The following SPOCK1 variants were observed in gnomAD, a reference collection of about 807,000 sequenced individuals.
SPOCK1 encodes the protein SPARC (osteonectin), cwcv and kazal like domains proteoglycan 1, also known as testican-1.
In SPOCK1, 23 loss-of-function variants were observed where a neutral mutation model predicts 55.3. The observed-to-expected ratio is 0.42, with a 90% CI of 0.30 to 0.59. The LOEUF (loss-of-function observed/expected upper bound fraction) is 0.59. Ranked by LOEUF, SPOCK1 falls within the 20% of genes least tolerant of loss-of-function variation. The pLI, the probability that SPOCK1 is intolerant of heterozygous loss-of-function variation, is 0.22. For missense variants in SPOCK1, 499 were observed against 552.5 expected (o/e 0.90, Z 0.97); for synonymous variants, 226 against 221.0 (o/e 1.02, Z -0.20).
rs558880248 is a variant in SPOCK1 at position 137,455,965 on chromosome 5, G to A, written c.186+42408C>T. On this transcript the variant is annotated intron_variant, in intron 2 of 10. Transcript: ENST00000394945. ...ATCACTTGAGCCCAAGGATCCAAGG[G>A]TACAGTGAGCTATGATCACACCACT... Among the ~76,000 whole-genome samples, 4 of 152,084 alleles carry A rather than the reference G, an allele frequency of 2.6e-5. No homozygotes were observed. The East Asian group carries it at 7.7e-4, about 29-fold the overall frequency.
At chr5:137,185,005 C>T (rs1755039123) in intron 3 of SPOCK1, among the ~76,000 whole-genome samples, 1 of 152,208 alleles carries the variant, frequency 6.6e-6, no homozygotes, top group African/African-American at 2.4e-5. Flanking sequence ...CTTAACTACG[C>T]TTGAGACTAT....
At chr5:137,411,307 G>A (rs1008097484) in intron 2 of SPOCK1, among the ~76,000 whole-genome samples, 6 of 152,124 alleles carry the variant, frequency 3.9e-5, no homozygotes, top group Admixed American at 2.6e-4. Context: ...AATGAGGACG[G>A]GTAGAGAGAT....
intron 2 of SPOCK1, among the ~76,000 whole-genome samples, chr5:137,409,370 G>T (rs1281101078): frequency 1.3e-5 from 2 of 152,210 alleles, no homozygotes; most frequent in African/African-American, 4.8e-5. Context: ...CAGCATGCAG[G>T]TGGAGAGGGA....
chr5:137,252,556 C>G (rs937403547), intron 3 of SPOCK1, among the ~76,000 whole-genome samples: 1 of 152,292 alleles, frequency 6.6e-6, no homozygotes, highest in Admixed American at 6.5e-5. Context: ...CCTGAACATC[C>G]CTGCAGACAG....
chr5:137,448,796 C>G (rs1296422915), intron 2 of SPOCK1, among the ~76,000 whole-genome samples: 1 of 152,228 alleles, frequency 6.6e-6, no homozygotes, highest in Non-Finnish European at 1.5e-5. Context: ...TTAGCAGACA[C>G]TTTGTACAGA....
At chr5:137,420,790 A>G (rs1181565522) in intron 2 of SPOCK1, among the ~76,000 whole-genome samples, 1 of 151,920 alleles carries the variant, frequency 6.6e-6, no homozygotes, top group Non-Finnish European at 1.5e-5. Flanking sequence ...TTGTGTCTCT[A>G]TCTCCTTCAG....
At chr5:137,298,542 TCTTA>T (rs1481487993) in intron 2 of SPOCK1, among the ~76,000 whole-genome samples, 1 of 152,212 alleles carries the variant, frequency 6.6e-6, no homozygotes, top group African/African-American at 2.4e-5. Context: ...TCTTCTGTAT[TCTTA>T]CTAATTTTTA....
intron 5 of SPOCK1, among the ~76,000 whole-genome samples, chr5:137,103,824 A>C (rs565470315): frequency 6.6e-6 from 1 of 152,370 alleles, no homozygotes; most frequent in Admixed American, 6.5e-5. Flanking sequence ...TTAAACTAAT[A>C]GTTGAGGATT....
chr5:137,498,381 A>G lies in SPOCK1; in HGVS notation c.178T>C (p.Phe60Leu), dbSNP rs1297075754. 6.3e-7 allele frequency: 1 copy of G among 1,598,510 alleles called. No homozygotes were observed. The highest frequency in any genetic ancestry group is 8.5e-7 in the Non-Finnish European group (1 of 1,172,324). Reference sequence around the variant, plus strand: ...GTGGCGCCGGTACTCACGTCTCGAAAGCGGTTCCAGTACTTGTCCCGGTCG... The same window carrying G: ...GTGGCGCCGGTACTCACGTCTCGAAGGCGGTTCCAGTACTTGTCCCGGTCG... ...QYDRDKYWNRFRDDDYFRNWN... is the reference protein window; with the variant it reads ...QYDRDKYWNRLRDDDYFRNWN... Residue 60 changes from phenylalanine to leucine, a missense_variant, in exon 2 of 11, where the codon TTT (phenylalanine) becomes CTT (leucine). By Grantham distance (22) the Phe-to-Leu change is conservative (BLOSUM62 0). Transcript: ENST00000394945.
At chr5:137,281,150 A>T (rs1254547532) in intron 2 of SPOCK1, among the ~76,000 whole-genome samples, 1 of 152,214 alleles carries the variant, frequency 6.6e-6, no homozygotes, top group Non-Finnish European at 1.5e-5. Context: ...TCATTCAATC[A>T]TTGACTCATT....
rs894476508 is a variant in SPOCK1 at position 137,079,057 on chromosome 5, G to A, written c.475-11228C>T. Among the ~76,000 whole-genome samples, 6 of 152,316 alleles carry A rather than the reference G, an allele frequency of 3.9e-5. No individual in the cohort carries two copies. In the South Asian group the frequency reaches 1.0e-3, roughly 26 times the overall value. ...ACTCCCCCTCGGTCTCCTCGGCCAT[G>A]TCCCTTGAGGCTTCCTCTTGGATGC... On this transcript the variant is annotated intron_variant, in intron 5 of 10. Coordinates refer to ENST00000394945, the MANE Select transcript of SPOCK1 (RefSeq NM_004598.4).
At chr5:137,233,638 T>C (rs1333068145) in intron 3 of SPOCK1, among the ~76,000 whole-genome samples, 1 of 151,912 alleles carries the variant, frequency 6.6e-6, no homozygotes, top group Non-Finnish European at 1.5e-5. Flanking sequence ...TCTAAATATT[T>C]CTTTTTCTTT....
intron 2 of SPOCK1, among the ~76,000 whole-genome samples, chr5:137,335,929 T>C (rs1038982839): frequency 6.6e-6 from 1 of 152,212 alleles, no homozygotes; most frequent in African/African-American, 2.4e-5. Flanking sequence ...GCTTCTTTTT[T>C]TCCCCTGTGA....
chr5:137,126,054 G>A (rs1269713826), intron 4 of SPOCK1, among the ~76,000 whole-genome samples: 3 of 152,234 alleles, frequency 2.0e-5, no homozygotes, highest in Non-Finnish European at 4.4e-5. Context: ...CAGTGTTGCA[G>A]GTGGAGCCTA....
intron 6 of SPOCK1, among the ~76,000 whole-genome samples, chr5:137,015,184 G>A (rs1312288220): frequency 6.6e-6 from 1 of 151,948 alleles, no homozygotes. Context: ...GCCCATGCCT[G>A]TAATCCCAGG....
At position 136,980,931 on chromosome 5, in the gene SPOCK1, CTGGTTTTGATTT is replaced by C. The variant is rs371924277; in HGVS notation, c.992-1474_992-1463del. Among the ~76,000 whole-genome samples the C allele has an allele frequency of 4.1e-3, 625 of 152,050 alleles. 3 individuals are homozygous for C. Among genetic ancestry groups the C allele is most frequent in the African/African-American group, 0.014 (598 of 41,454 alleles). Reference sequence around the variant, plus strand: ...TGAAAGTAGCATTTTGATTAATTTCCTGGTTTTGATTTTGGTTTTGATTTACCTGGGTCTTCT... The same window carrying C: ...TGAAAGTAGCATTTTGATTAATTTCCTGGTTTTGATTTACCTGGGTCTTCT... On this transcript the variant is annotated intron_variant, in intron 9 of 10. Coordinates refer to ENST00000394945, the MANE Select transcript of SPOCK1 (RefSeq NM_004598.4).
intron 3 of SPOCK1, among the ~76,000 whole-genome samples, chr5:137,249,010 G>A (rs892744467): frequency 6.6e-5 from 10 of 152,170 alleles, no homozygotes; most frequent in South Asian, 6.2e-4. Flanking sequence ...TAGTGTCACC[G>A]TGTATTAATT....
chr5:137,168,558 T>G (rs1754692420), intron 3 of SPOCK1, among the ~76,000 whole-genome samples: 3 of 152,086 alleles, frequency 2.0e-5, no homozygotes, highest in Admixed American at 2.0e-4. Context: ...TGAATAAACA[T>G]TTCTCAAAAG....
chr5:137,137,283 GAT>G (rs938450143), intron 4 of SPOCK1, among the ~76,000 whole-genome samples: 15 of 152,302 alleles, frequency 9.8e-5, no homozygotes, highest in Non-Finnish European at 2.1e-4. Flanking sequence ...AGTGCCTACA[GAT>G]GTTTCACAGA....
Sources: gnomAD v4.1 joint callset for allele counts (sites outside exome capture counted in the v4.1 genomes callset) on GRCh38, gnomAD v4.1.1 for gene constraint, MANE v1.5 for transcripts, NCBI Gene and HGNC (gene_info 2026-07-23, HGNC 2026-07-21) for gene names.